Variants in VPS13B observed in about 807,000 individuals in gnomAD.
The protein encoded by VPS13B is intermembrane lipid transfer protein VPS13B.
A neutral mutation model predicts 426.4 loss-of-function variants in VPS13B; 285 were observed. The ratio of observed to expected loss-of-function variants is 0.67; its 90% CI spans 0.61 to 0.74. VPS13B has a LOEUF of 0.74. VPS13B is among the 30% of genes least tolerant of loss of function. VPS13B has a pLI of 0.00. For synonymous variants in VPS13B, 1,676 were observed against 1,676.4 expected (o/e 1.00, Z 0.01); for missense variants, 4,537 against 4,782.6 (o/e 0.95, Z 1.51).
rs1821787119 is a variant in VPS13B at position 99,511,519 on chromosome 8, T to G, written c.4633+7T>G. The G allele has an allele frequency of 6.2e-7, 1 of 1,608,190 alleles. No homozygotes were observed. The highest frequency in any genetic ancestry group is 1.3e-5 in the African/African-American group (1 of 74,718). On this transcript the variant is annotated splice_region_variant and intron_variant, in intron 29 of 61. Transcript: ENST00000357162. ...ATGCAGCCAACTGTTGAAGGTATTG[T>G]CTTCTGATTTTTTTTGTCTGATTTT...
At chr8:99,808,087 G>A (rs925776658) in intron 43 of VPS13B, among the ~76,000 whole-genome samples, 4 of 151,646 alleles carry the variant, frequency 2.6e-5, no homozygotes, top group Non-Finnish European at 5.9e-5. Flanking sequence ...TCTTACAGGA[G>A]GTTTTCAAAG....
intron 19 of VPS13B, among the ~76,000 whole-genome samples, chr8:99,377,080 G>T (rs1311114244): frequency 6.6e-6 from 1 of 151,954 alleles, no homozygotes; most frequent in Non-Finnish European, 1.5e-5. Flanking sequence ...TTCCTTAGGT[G>T]ATCTGTCTTT....
intron 23 of VPS13B, among the ~76,000 whole-genome samples, chr8:99,444,055 A>G (rs1163872157): frequency 6.7e-6 from 1 of 148,408 alleles, no homozygotes; most frequent in African/African-American, 2.5e-5. Flanking sequence ...AACCTCTTAA[A>G]CTGGAGAGAG....
chr8:99,598,177 A>C (rs568772876), intron 33 of VPS13B, among the ~76,000 whole-genome samples: 4 of 152,160 alleles, frequency 2.6e-5, no homozygotes, highest in Admixed American at 2.6e-4. Flanking sequence ...TGACTTAAAC[A>C]GGTGTGCCTG....
chr8:99,153,418 G>T (rs1486293989), intron 14 of VPS13B, among the ~76,000 whole-genome samples: 1 of 151,726 alleles, frequency 6.6e-6, no homozygotes, highest in Non-Finnish European at 1.5e-5. Context: ...TGTGGTTTTA[G>T]TTGAGCATTT....
chr8:99,160,706 A>G (rs776312794), intron 15 of VPS13B, among the ~76,000 whole-genome samples: 13 of 151,642 alleles, frequency 8.6e-5, no homozygotes, highest in Non-Finnish European at 1.5e-4. Context: ...CATGTAATGT[A>G]TCAAAAGATT....
intron 3 of VPS13B, among the ~76,000 whole-genome samples, chr8:99,087,504 G>T (rs1201452705): frequency 6.6e-6 from 1 of 151,764 alleles, no homozygotes; most frequent in Non-Finnish European, 1.5e-5. Flanking sequence ...GATGAACCCG[G>T]TACCTCAGTT....
At position 99,876,916 on chromosome 8, in the gene VPS13B, G is replaced by A. The variant is rs1817725655; in HGVS notation, c.*1250G>A. On this transcript the variant is annotated 3_prime_UTR_variant, in exon 62 of 62. Coordinates refer to ENST00000357162, the MANE Select transcript of VPS13B (RefSeq NM_152564.5). ...CCCAGGCTAGAGTACAGTGGGAACA[G>A]TCATGGCTCACTGCAGCTTAAGCTC... The A allele has an allele frequency of 6.6e-6, 1 of 152,194 alleles. No individual in the cohort carries two copies. The highest frequency in any genetic ancestry group is 6.5e-5 in the Admixed American group (1 of 15,280). The allele number at this position is 152,194 out of a possible 1,614,324, so 9.4% of individuals were successfully genotyped here.
chr8:99,217,724 A>AT (rs1815466036), intron 17 of VPS13B, among the ~76,000 whole-genome samples: 1 of 152,186 alleles, frequency 6.6e-6, no homozygotes, highest in African/African-American at 2.4e-5. Context: ...TCCTTCCAGG[A>AT]TAAAAATAGA....
chr8:99,697,368 C>T (rs956223179), intron 35 of VPS13B: 15 of 588,282 alleles, frequency 2.5e-5, no homozygotes, highest in African/African-American at 3.7e-5. Context: ...GCCAGAAGTG[C>T]CTGAAGCAGT....
At chr8:99,065,955 G>A (rs1410476131) in intron 3 of VPS13B, among the ~76,000 whole-genome samples, 2 of 152,134 alleles carry the variant, frequency 1.3e-5, no homozygotes, top group Admixed American at 6.5e-5. Flanking sequence ...GGATGTGAAG[G>A]ACCTCTTCAA....
rs543194913 is a variant in VPS13B at position 99,782,339 on chromosome 8, T to C, written c.7780-1976T>C. Among the ~76,000 whole-genome samples, 133 of 152,208 alleles carry C rather than the reference T, an allele frequency of 8.7e-4. 2 individuals carry two copies. The South Asian group carries it at 0.011, about 13-fold the overall frequency. ...AGATAAAACTGTAAAGAATAAAAAC[T>C]GTAAAGACGTGGTTGCTGCCCTTCT... On this transcript the variant is annotated intron_variant, in intron 42 of 61. Coordinates refer to ENST00000357162, the MANE Select transcript of VPS13B (RefSeq NM_152564.5).
chr8:99,433,444 G>A (rs564241915), intron 22 of VPS13B, among the ~76,000 whole-genome samples: 2 of 152,270 alleles, frequency 1.3e-5, no homozygotes, highest in South Asian at 4.1e-4. Flanking sequence ...AAACAATGGA[G>A]GCCAGAAGAC....
intron 39 of VPS13B, among the ~76,000 whole-genome samples, chr8:99,758,114 C>T (rs956153112): frequency 2.6e-5 from 4 of 152,170 alleles, no homozygotes; most frequent in African/African-American, 7.2e-5. Flanking sequence ...AGATCATTCA[C>T]GTCATCTCTT....
At chr8:99,151,160 G>T (rs1223488604) in intron 14 of VPS13B, among the ~76,000 whole-genome samples, 1 of 152,068 alleles carries the variant, frequency 6.6e-6, no homozygotes, top group East Asian at 1.9e-4. Context: ...ATGCTTATTT[G>T]CCATCTGTAT....
At chr8:99,461,158 G>GT (rs34169100) in intron 23 of VPS13B, among the ~76,000 whole-genome samples, 27,314 of 148,356 alleles carry the variant, frequency 0.18, 2,928 homozygotes, top group East Asian at 0.38. Context: ...TGTATTACTA[G>GT]TTTTTTTTTT....
intron 21 of VPS13B, among the ~76,000 whole-genome samples, chr8:99,406,114 T>A (rs1815315102): frequency 6.6e-6 from 1 of 152,066 alleles, no homozygotes; most frequent in Admixed American, 6.6e-5. Flanking sequence ...TTAGTTTAGA[T>A]GATCAATAAA....
chr8:99,740,890 C>T (rs944812363), intron 39 of VPS13B, among the ~76,000 whole-genome samples: 13 of 152,038 alleles, frequency 8.6e-5, no homozygotes, highest in African/African-American at 2.9e-4. Context: ...TAAAGACCAT[C>T]GAGGCTAGGA....
At chr8:99,550,924 A>C (rs1824249686) in intron 30 of VPS13B, among the ~76,000 whole-genome samples, 1 of 152,064 alleles carries the variant, frequency 6.6e-6, no homozygotes, top group African/African-American at 2.4e-5. Context: ...AATTCACTGA[A>C]ATGTACTGAG....
Sources: gnomAD v4.1 joint callset for allele counts (sites outside exome capture counted in the v4.1 genomes callset) on GRCh38, gnomAD v4.1.1 for gene constraint, MANE v1.5 for transcripts, NCBI Gene and HGNC (gene_info 2026-07-23, HGNC 2026-07-21) for gene names.